MTX2: variants seen among roughly 807,000 people sequenced by gnomAD.
MTX2 encodes the protein metaxin-2.
In MTX2, 35 loss-of-function variants were observed where a neutral mutation model predicts 42.3. The ratio of observed to expected loss-of-function variants is 0.83; its 90% CI spans 0.63 to 1.10. MTX2 has a LOEUF of 1.10. Among genes scored for constraint, MTX2 ranks in the 50% least tolerant of loss-of-function variants. MTX2 has a pLI of 0.00. For synonymous variants in MTX2, 119 were observed against 100.9 expected (o/e 1.18, Z -1.08); for missense variants, 307 against 304.1 (o/e 1.01, Z -0.07).
intron 3 of MTX2, among the ~76,000 whole-genome samples, chr2:176,320,184 G>A (rs1166342065): frequency 6.6e-6 from 1 of 151,930 alleles, no homozygotes; most frequent in Non-Finnish European, 1.5e-5. Context: ...GGAGTTGAAG[G>A]TTGCATTGAG....
intron 3 of MTX2, among the ~76,000 whole-genome samples, chr2:176,322,752 T>C (rs1684614791): frequency 6.6e-6 from 1 of 152,112 alleles, no homozygotes; most frequent in South Asian, 2.1e-4. Flanking sequence ...AGTTTTAAAA[T>C]TGATTGTGTA....
intron 5 of MTX2, among the ~76,000 whole-genome samples, 198 bp from the exon 6 acceptor site, chr2:176,328,095 T>C (rs751073294): frequency 6.6e-6 from 1 of 151,280 alleles, no homozygotes. Flanking sequence ...ATTTGTATAA[T>C]GACAAGTAAG....
chr2:176,273,497 A>G (rs1415817142), intron 1 of MTX2, among the ~76,000 whole-genome samples: 3 of 152,088 alleles, frequency 2.0e-5, no homozygotes, highest in Non-Finnish European at 4.4e-5. Flanking sequence ...CACTTTGCTT[A>G]TTACCTTTCC....
At chr2:176,331,400 A>G (rs1169995938) in intron 9 of MTX2, among the ~76,000 whole-genome samples, 1 of 151,100 alleles carries the variant, frequency 6.6e-6, no homozygotes, top group South Asian at 2.1e-4. Flanking sequence ...TTTTCTTGAC[A>G]TTTTAATAAA....
intron 9 of MTX2, among the ~76,000 whole-genome samples, chr2:176,335,255 A>G (rs1472483059): frequency 6.6e-6 from 1 of 152,016 alleles, no homozygotes; most frequent in East Asian, 1.9e-4. Flanking sequence ...AAGGTTCCCT[A>G]ATTGGCTTGA....
chr2:176,270,236 C>T lies in MTX2; in HGVS notation c.40+567C>T, dbSNP rs1158117023. ...CCGAGGCTGGAGTGCAGTGGCACAACCTGGGCTCACTGCAACCTCCGCTTC... is the reference window on the plus strand; with the variant it reads ...CCGAGGCTGGAGTGCAGTGGCACAATCTGGGCTCACTGCAACCTCCGCTTC... On this transcript the variant is annotated intron_variant, in intron 1 of 9. Coordinates refer to ENST00000249442, the MANE Select transcript of MTX2 (RefSeq NM_006554.5). 4 of 547,668 alleles carry T rather than the reference C, an allele frequency of 7.3e-6. No individual in the cohort carries two copies. The East Asian group carries it at 2.1e-4, about 29-fold the overall frequency. The allele number at this position is 547,668 out of a possible 1,614,324, so 33.9% of individuals were successfully genotyped here.
chr2:176,336,162 G>C (rs527706612), intron 9 of MTX2, among the ~76,000 whole-genome samples: 2 of 152,066 alleles, frequency 1.3e-5, no homozygotes, highest in Non-Finnish European at 2.9e-5. Context: ...GTAATAATTA[G>C]CTCGTAATTA....
At chr2:176,325,504 C>G (rs1021446122) in intron 4 of MTX2, among the ~76,000 whole-genome samples, 1 of 151,576 alleles carries the variant, frequency 6.6e-6, no homozygotes, top group Middle Eastern at 3.2e-3. Context: ...TCAGAATTGA[C>G]AACGCTCAAT....
chr2:176,277,576 A>G (rs969231490), intron 1 of MTX2, among the ~76,000 whole-genome samples: 18 of 151,912 alleles, frequency 1.2e-4, no homozygotes, highest in African/African-American at 4.4e-4. Flanking sequence ...CTAATTTTGT[A>G]TTTTTAGTAG....
intron 3 of MTX2, among the ~76,000 whole-genome samples, chr2:176,315,208 ATAAT>A (rs1558938850): frequency 3.3e-5 from 5 of 152,180 alleles, no homozygotes; most frequent in East Asian, 3.8e-4. Context: ...CCAAAAAGTG[ATAAT>A]TAGAGACAAC....
chr2:176,278,041 GTTTTTTT>G (rs59379339), intron 1 of MTX2, among the ~76,000 whole-genome samples: 9 of 84,836 alleles, frequency 1.1e-4, no homozygotes, highest in African/African-American at 1.6e-4. Flanking sequence ...GTTGAAACTG[GTTTTTTT>G]TTTTTTTTTT....
intron 5 of MTX2, 88 bp downstream of exon 5, chr2:176,326,989 C>A: frequency 2.7e-6 from 2 of 740,686 alleles, no homozygotes; most frequent in Non-Finnish European, 4.1e-6. Flanking sequence ...TGATTTCAAC[C>A]TAGTTTTATA....
chr2:176,304,408 T>C (rs1261287917), intron 3 of MTX2: 1 of 152,644 alleles, frequency 6.6e-6, no homozygotes, highest in Non-Finnish European at 1.5e-5. Flanking sequence ...GTCACAAATA[T>C]AATTAAGGTC....
Position 176,329,303 on chromosome 2 carries a change from C to T in MTX2, c.420C>T (p.Ile140=), listed in dbSNP as rs1684797219. 1.3e-6 allele frequency: 2 copies of T among 1,595,470 alleles called. No homozygotes were observed. Among genetic ancestry groups the T allele is most frequent in the South Asian group, 1.1e-5 (1 of 87,422 alleles). The change falls in exon 8 of 10, where the codon ATC becomes ATT. Residue 140 remains isoleucine, a splice_region_variant and synonymous_variant. Transcript: ENST00000249442. The part of the protein sequence containing the change: ...QWCDEATVGE[I]THARYGSPYP... ...TTTACAAAATCTTTTTACTTTAGAT[C>T]ACTCATGCTAGGTATGGATCTCCTT...
intron 1 of MTX2, among the ~76,000 whole-genome samples, chr2:176,282,081 C>A (rs1693089561): frequency 7.4e-6 from 1 of 135,436 alleles, no homozygotes; most frequent in South Asian, 2.4e-4. Flanking sequence ...GAGATGTTAT[C>A]CTTCCTTAAA....
chr2:176,321,796 G>A (rs915608062), intron 3 of MTX2, among the ~76,000 whole-genome samples: 6 of 152,184 alleles, frequency 3.9e-5, no homozygotes, highest in Admixed American at 3.3e-4. Context: ...GCAGCCTTGT[G>A]TGCAGATAGT....
At chr2:176,328,751 C>T (rs969905072) in intron 6 of MTX2, 123 bp from the exon 7 acceptor site, 2 of 837,444 alleles carry the variant, frequency 2.4e-6, no homozygotes, top group African/African-American at 1.7e-5. Flanking sequence ...CTAAGAAAAA[C>T]AAACCGCTAC....
At chr2:176,273,221 TA>T (rs1200299335) in intron 1 of MTX2, among the ~76,000 whole-genome samples, 1 of 152,228 alleles carries the variant, frequency 6.6e-6, no homozygotes, top group Non-Finnish European at 1.5e-5. Flanking sequence ...TCCCACCTGT[TA>T]ATACTGTCAG....
At chr2:176,300,489 A>G (rs777006532) in intron 3 of MTX2, among the ~76,000 whole-genome samples, 2 of 152,142 alleles carry the variant, frequency 1.3e-5, no homozygotes, top group Non-Finnish European at 2.9e-5. Flanking sequence ...TTTTACACTT[A>G]CAGTACCTCT....
Sources: gnomAD v4.1 joint callset for allele counts (sites outside exome capture counted in the v4.1 genomes callset) on GRCh38, gnomAD v4.1.1 for gene constraint, MANE v1.5 for transcripts, NCBI Gene and HGNC (gene_info 2026-07-23, HGNC 2026-07-21) for gene names.